TOP1MT: variants seen among roughly 807,000 people sequenced by gnomAD.
TOP1MT encodes DNA topoisomerase I mitochondrial.
In TOP1MT, 80 loss-of-function variants were observed where a neutral mutation model predicts 73.9. That is an observed-to-expected ratio of 1.08 (90% CI 0.90 to 1.30). The LOEUF is 1.30. Ranked by LOEUF, TOP1MT falls within the 50% of genes most tolerant of loss-of-function variation. TOP1MT has a pLI of 0.00. For missense variants in TOP1MT, 815 were observed against 808.0 expected (o/e 1.01, Z -0.10); for synonymous variants, 338 against 326.4 (o/e 1.04, Z -0.38).
chr8:143,343,311 C>T (rs1817164739), intron 1 of TOP1MT: 1 of 455,348 alleles, frequency 2.2e-6, no homozygotes, highest in African/African-American at 2.0e-5. Flanking sequence ...TATACATAAA[C>T]ATGCAGCTCT....
intron 5 of TOP1MT, among the ~76,000 whole-genome samples, chr8:143,324,917 C>G (rs542327127): frequency 1.5e-4 from 23 of 152,318 alleles, no homozygotes; most frequent in African/African-American, 4.6e-4. Context: ...CGACGAGTGC[C>G]CTGCCCCACA....
intron 1 of TOP1MT, chr8:143,332,374 AGGCTTT>A: frequency 1.3e-6 from 1 of 785,166 alleles, no homozygotes; most frequent in Non-Finnish European, 1.9e-6. Flanking sequence ...TCAGTGGGAG[AGGCTTT>A]GGCGAGAGGG....
chr8:143,346,707 C>A (rs1234124147), upstream of TOP1MT, among the ~76,000 whole-genome samples: 1 of 152,182 alleles, frequency 6.6e-6, no homozygotes, highest in East Asian at 1.9e-4. Context: ...TTATAAAGAA[C>A]ACAAATTTAT....
At chr8:143,348,845 C>T (rs773549640), upstream of TOP1MT, among the ~76,000 whole-genome samples, 1 of 152,174 alleles carries the variant, frequency 6.6e-6, no homozygotes, top group African/African-American at 2.4e-5. This position sits in a 1 kb window ranked among gnomAD's most constrained non-coding sequence, Gnocchi z 4.6. Context: ...AGCCTGGTGC[C>T]CTGAGGCAGG....
chr8:143,346,519 T>C (rs1817223524), upstream of TOP1MT, among the ~76,000 whole-genome samples: 1 of 152,208 alleles, frequency 6.6e-6, no homozygotes, highest in African/African-American at 2.4e-5. Context: ...TATAGCAGCA[T>C]GCTTGTAGTC....
chr8:143,327,676 GAAGTGCT>G, intron 3 of TOP1MT: 1 of 363,742 alleles, frequency 2.7e-6, no homozygotes, highest in Non-Finnish European at 5.5e-6. Flanking sequence ...GTGACTGGAA[GAAGTGCT>G]GACCAGAGGG....
chr8:143,323,115 TGCACGCCACACAC>T (rs1816563897), intron 7 of TOP1MT, among the ~76,000 whole-genome samples: 1 of 41,572 alleles, frequency 2.4e-5, no homozygotes, highest in Non-Finnish European at 4.4e-5. Flanking sequence ...ACGCCACACA[TGCACGCCACACAC>T]ACAGGCACAC....
rs1457191397 is a variant in TOP1MT at position 143,324,614 on chromosome 8, G to T, written c.687C>A (p.Pro229=). 1 of 1,613,272 alleles carries T rather than the reference G, an allele frequency of 6.2e-7. No individual in the cohort carries two copies. Among genetic ancestry groups the T allele is most frequent in the East Asian group, 2.2e-5 (1 of 44,874 alleles). ...TCCACTGGTGCCCCGCCGGCGGCTC[G>T]GGGATCTTCGAGTCCCTGCAGCAGA... ...VINCSRDSKI[P]EPPAGHQWKE... is the part of the protein sequence containing the mutation. The change falls in exon 6 of 14, where the codon CCC becomes CCA. Residue 229 remains proline, a synonymous_variant. Coordinates refer to ENST00000329245, the MANE Select transcript of TOP1MT (RefSeq NM_052963.3).
At chr8:143,332,619 G>A in intron 1 of TOP1MT, 1 of 1,254,832 alleles carries the variant, frequency 8.0e-7, no homozygotes, top group African/African-American at 1.5e-5. Flanking sequence ...GGGAAAGCAT[G>A]TGCAACAGAC....
At chr8:143,325,296 C>G in intron 5 of TOP1MT, 50 bp downstream of exon 5, 1 of 1,524,760 alleles carries the variant, frequency 6.6e-7, no homozygotes, top group Non-Finnish European at 8.9e-7. Flanking sequence ...GCCAGCCTCA[C>G]CCGGGTGGCG....
chr8:143,316,144 T>A lies in TOP1MT; in HGVS notation c.1331-18A>T. The A allele has an allele frequency of 6.2e-7, 1 of 1,613,942 alleles. No homozygotes were observed. Among genetic ancestry groups the A allele is most frequent in the Non-Finnish European group, 8.5e-7 (1 of 1,179,946 alleles). ...GTCCTCGGCTGAGAGGCACGGGCTG[T>A]CAGAGGCAGCACCCACGGGGCCGGC... On this transcript the variant is annotated intron_variant, in intron 10 of 13. Transcript: ENST00000329245.
At chr8:143,325,748 G>A (rs2130236794) in intron 4 of TOP1MT, among the ~76,000 whole-genome samples, 1 of 152,256 alleles carries the variant, frequency 6.6e-6, no homozygotes, top group Middle Eastern at 3.4e-3. Context: ...CCCATGGCCT[G>A]GACTCCCCGG....
At chr8:143,350,719 C>A (rs879511988) in intron 1 of TOP1MT, among the ~76,000 whole-genome samples, 2 of 152,220 alleles carry the variant, frequency 1.3e-5, no homozygotes, top group African/African-American at 2.4e-5. Context: ...TTTAAAAAAT[C>A]TTTCTGTAAA....
At position 143,322,030 on chromosome 8, in the gene TOP1MT, G is replaced by A. The variant is rs1213321562; in HGVS notation, c.961-644C>T. Reference sequence around the variant, plus strand: ...ACATGCACGCCACACCCACAGGCACGCCATACAGATGCATGCCACACACAC... The same window carrying A: ...ACATGCACGCCACACCCACAGGCACACCATACAGATGCATGCCACACACAC... On this transcript the variant is annotated intron_variant, in intron 7 of 13. Coordinates refer to ENST00000329245, the MANE Select transcript of TOP1MT (RefSeq NM_052963.3). 8.7e-5 allele frequency among the ~76,000 whole-genome samples: 7 copies of A among 80,080 alleles called. No homozygotes were observed. In the South Asian group the frequency reaches 3.1e-3, roughly 36 times the overall value. 52.5% of individuals were successfully genotyped at this position (80,080 alleles called of 152,430 possible).
At chr8:143,327,638 G>A (rs1816743290) in intron 3 of TOP1MT, 2 of 276,534 alleles carry the variant, frequency 7.2e-6, no homozygotes, top group South Asian at 6.4e-5. Flanking sequence ...GCTGCTTTGT[G>A]ACACTGCCTC....
intron 1 of TOP1MT, chr8:143,332,611 G>A: frequency 7.9e-7 from 1 of 1,265,526 alleles, no homozygotes; most frequent in South Asian, 1.2e-5. Context: ...TCTGAGAGGG[G>A]AAAGCATGTG....
At position 143,324,629 on chromosome 8, in the gene TOP1MT, C is replaced by T; in HGVS notation, c.672G>A (p.Arg224=). ...TPEDVVINCS[R]DSKIPEPPAG... ...CCGGCGGCTCGGGGATCTTCGAGTC[C>T]CTGCAGCAGAACAACGACCCAAACA... Residue 224 remains arginine, a splice_region_variant and synonymous_variant, in exon 6 of 14, where the codon AGG becomes AGA. Transcript: ENST00000329245. 3 of 1,612,388 alleles carry T rather than the reference C, an allele frequency of 1.9e-6. No homozygotes were observed. Among genetic ancestry groups the T allele is most frequent in the Non-Finnish European group, 2.5e-6 (3 of 1,179,432 alleles).
chr8:143,350,008 C>T (rs1817294613), intron 1 of TOP1MT, among the ~76,000 whole-genome samples: 2 of 152,178 alleles, frequency 1.3e-5, no homozygotes, highest in Admixed American at 6.5e-5. Context: ...TACACCAATT[C>T]AAAACTTATC....
chr8:143,337,839 C>G (rs1304974802), upstream of TOP1MT, among the ~76,000 whole-genome samples: 4 of 152,178 alleles, frequency 2.6e-5, no homozygotes, highest in Admixed American at 6.5e-5. Context: ...AAGATCGGCC[C>G]GGACCTAATC....
Sources: allele counts gnomAD v4.1 joint callset (sites outside exome capture counted in the v4.1 genomes callset), GRCh38; gene constraint gnomAD v4.1.1; non-coding constraint Gnocchi (gnomAD v3.1); transcripts MANE v1.5; gene names NCBI Gene and HGNC (gene_info 2026-07-23, HGNC 2026-07-21).